The following ATRN variants were observed in gnomAD, a reference collection of about 807,000 sequenced individuals.
The protein encoded by ATRN is attractin-2.
ATRN carries 54 observed loss-of-function variants against 178.7 expected under a neutral mutation model. That is an observed-to-expected ratio of 0.30 (90% confidence interval 0.24 to 0.38). The LOEUF is 0.38. Ranked by LOEUF, ATRN falls within the 10% of genes least tolerant of loss-of-function variation. ATRN has a pLI of 1.00. For missense variants in ATRN, 1,443 were observed against 1,815.1 expected (o/e 0.79, Z 3.73); for synonymous variants, 636 against 663.0 (o/e 0.96, Z 0.63).
At chr20:3,619,150 C>T (rs532125328) in intron 24 of ATRN, among the ~76,000 whole-genome samples, 19 of 152,324 alleles carry the variant, frequency 1.2e-4, no homozygotes, top group African/African-American at 2.4e-4. Context: ...TGCCTTGAAG[C>T]GGAAAGACTT....
chr20:3,615,765 C>T (rs2146307269), intron 24 of ATRN: 1 of 453,612 alleles, frequency 2.2e-6, no homozygotes, highest in African/African-American at 2.0e-5. Flanking sequence ...CATGTTGCCC[C>T]CATCATTCTC....
chr20:3,563,202 T>C lies in ATRN; in HGVS notation c.1632-7T>C. On this transcript the variant is annotated splice_polypyrimidine_tract_variant and splice_region_variant and intron_variant, in intron 9 of 28. Transcript: ENST00000262919. ...TTGTATTTATTATTTCTAAATAAACTCAAAAGGACCATTCTTAAGGACAGC... is the reference window on the plus strand; with the variant it reads ...TTGTATTTATTATTTCTAAATAAACCCAAAAGGACCATTCTTAAGGACAGC... The C allele has an allele frequency of 6.3e-7, 1 of 1,599,352 alleles. No homozygotes were observed.
At chr20:3,512,502 T>C (rs573433281) in intron 1 of ATRN, among the ~76,000 whole-genome samples, 2 of 152,316 alleles carry the variant, frequency 1.3e-5, no homozygotes, top group African/African-American at 2.4e-5. Flanking sequence ...TAATCCAGTC[T>C]ATCATTGTTG....
chr20:3,594,650 C>A, intron 20 of ATRN, 78 bp downstream of exon 20: 1 of 1,201,972 alleles, frequency 8.3e-7, no homozygotes, highest in Non-Finnish European at 1.2e-6. Flanking sequence ...TGAGAGCCAC[C>A]CACTTCCCTG....
intron 25 of ATRN, among the ~76,000 whole-genome samples, chr20:3,630,973 G>A (rs1302757483): frequency 1.1e-5 from 1 of 92,998 alleles, no homozygotes; most frequent in Non-Finnish European, 2.0e-5. Flanking sequence ...TTGGGATAGG[G>A]TCTCTGTTGC....
At chr20:3,482,603 A>G (rs2084637263) in intron 1 of ATRN, among the ~76,000 whole-genome samples, 1 of 152,200 alleles carries the variant, frequency 6.6e-6, no homozygotes, top group South Asian at 2.1e-4. Flanking sequence ...TACTGGAGAT[A>G]TCAAGGATTT....
At chr20:3,473,997 A>C (rs955720752) in intron 1 of ATRN, among the ~76,000 whole-genome samples, 1 of 152,210 alleles carries the variant, frequency 6.6e-6, no homozygotes, top group African/African-American at 2.4e-5. Context: ...ATTAACAGAC[A>C]CAGGGACACA....
At chr20:3,495,114 C>G (rs2084860717) in intron 1 of ATRN, among the ~76,000 whole-genome samples, 1 of 151,962 alleles carries the variant, frequency 6.6e-6, no homozygotes, top group Non-Finnish European at 1.5e-5. Context: ...CATTTTAGAT[C>G]ATAGTATGAG....
intron 1 of ATRN, among the ~76,000 whole-genome samples, chr20:3,492,717 G>A (rs956590001): frequency 6.6e-6 from 1 of 151,672 alleles, no homozygotes; most frequent in Non-Finnish European, 1.5e-5. Flanking sequence ...TATCATTTCG[G>A]GTGGACTGTA....
intron 1 of ATRN, among the ~76,000 whole-genome samples, chr20:3,507,221 A>T (rs1342455993): frequency 1.3e-5 from 2 of 151,950 alleles, no homozygotes; most frequent in African/African-American, 4.8e-5. Context: ...CCTGGCCAAG[A>T]TAGTGAAACC....
chr20:3,627,180 G>A (rs894675055), intron 25 of ATRN, among the ~76,000 whole-genome samples: 3 of 152,184 alleles, frequency 2.0e-5, no homozygotes, highest in African/African-American at 4.8e-5. Flanking sequence ...TTAAAGTTGT[G>A]CTTCGAGGTT....
chr20:3,561,227 G>T (rs1028668903), intron 8 of ATRN, among the ~76,000 whole-genome samples: 8 of 152,304 alleles, frequency 5.3e-5, no homozygotes, highest in Admixed American at 3.3e-4. Context: ...GGAGGCTGAG[G>T]CAGGAGAATC....
intron 1 of ATRN, among the ~76,000 whole-genome samples, chr20:3,472,523 C>A (rs1421535875): frequency 2.6e-5 from 4 of 152,100 alleles, no homozygotes; most frequent in African/African-American, 9.7e-5. Context: ...AGGCACTTAA[C>A]AAGTAAATAA....
chr20:3,546,190 A>G (rs553121394), intron 4 of ATRN, among the ~76,000 whole-genome samples: 3 of 152,252 alleles, frequency 2.0e-5, no homozygotes, highest in Admixed American at 6.5e-5. Flanking sequence ...CTTTTCTGCT[A>G]ATGGACAAAA....
chr20:3,598,244 T>C (rs1415411038), intron 22 of ATRN, among the ~76,000 whole-genome samples: 3 of 152,220 alleles, frequency 2.0e-5, no homozygotes, highest in East Asian at 3.8e-4. Flanking sequence ...CACGCATACT[T>C]ACTCTGCCTG....
chr20:3,536,639 C>T (rs1360388643), intron 2 of ATRN, among the ~76,000 whole-genome samples: 1 of 152,034 alleles, frequency 6.6e-6, no homozygotes, highest in African/African-American at 2.4e-5. Flanking sequence ...ATGAAAAAAA[C>T]CCTATATTTA....
At chr20:3,472,408 T>C (rs2084444186) in intron 1 of ATRN, among the ~76,000 whole-genome samples, 1 of 152,170 alleles carries the variant, frequency 6.6e-6, no homozygotes, top group African/African-American at 2.4e-5. Flanking sequence ...CTTTGACAGG[T>C]ATTTAGCTTA....
At chr20:3,567,586 C>T (rs1358731816) in intron 11 of ATRN, among the ~76,000 whole-genome samples, 1 of 152,026 alleles carries the variant, frequency 6.6e-6, no homozygotes, top group Non-Finnish European at 1.5e-5. Flanking sequence ...TGAGGGAGGC[C>T]AGCTACTAAA....
intron 1 of ATRN, among the ~76,000 whole-genome samples, chr20:3,530,407 G>A (rs1176536919): frequency 6.7e-6 from 1 of 150,068 alleles, no homozygotes. Flanking sequence ...GGGATTATAG[G>A]CACTTGCCAC....
Sources: allele counts gnomAD v4.1 joint callset (sites outside exome capture counted in the v4.1 genomes callset), GRCh38; gene constraint gnomAD v4.1.1; transcripts MANE v1.5; gene names NCBI Gene and HGNC (gene_info 2026-07-23, HGNC 2026-07-21).